Variants in NLRP4 observed in about 807,000 individuals in gnomAD.
NLRP4 encodes NLR family pyrin domain containing 4, also known as NACHT, LRR and PYD domains-containing protein 4.
A neutral mutation model predicts 84.7 loss-of-function variants in NLRP4; 44 were observed. That is an observed-to-expected ratio of 0.52 (90% CI 0.41 to 0.67). NLRP4 has a LOEUF of 0.67. Among genes scored for constraint, NLRP4 ranks in the 30% least tolerant of loss-of-function variants. The pLI is 0.00. For synonymous variants in NLRP4, 544 were observed against 476.4 expected, an observed-to-expected ratio of 1.14 and a Z score of -1.85; for missense variants, 1,260 against 1,219.4, an observed-to-expected ratio of 1.03 and a Z score of -0.50.
chr19:55,856,912 CCT>C (rs1225309325), intron 2 of NLRP4, among the ~76,000 whole-genome samples: 3 of 152,166 alleles, frequency 2.0e-5, no homozygotes, highest in Non-Finnish European at 2.9e-5. Flanking sequence ...GCCATTCTAT[CCT>C]CTCTACTGCA....
intron 2 of NLRP4, among the ~76,000 whole-genome samples, chr19:55,855,319 T>A (rs77258547): frequency 0.042 from 6,443 of 152,326 alleles, 198 homozygotes; most frequent in East Asian, 0.092. Flanking sequence ...ACTGGGTACT[T>A]ACACTTCTCT....
chr19:55,875,885 G>C (rs532559571), intron 7 of NLRP4, among the ~76,000 whole-genome samples: 1 of 150,612 alleles, frequency 6.6e-6, no homozygotes, highest in African/African-American at 2.4e-5. Context: ...AAAAAATACA[G>C]AATTAGCTGG....
chr19:55,850,868 T>C (rs1308284923), intron 1 of NLRP4, among the ~76,000 whole-genome samples: 1 of 69,614 alleles, frequency 1.4e-5, no homozygotes, highest in Admixed American at 1.4e-4. Flanking sequence ...CGGTGTAATT[T>C]ACGAGGCTGC....
chr19:55,850,487 T>TTCCGAGGCTGCGGTGTAATG (rs1984047585), intron 1 of NLRP4, among the ~76,000 whole-genome samples: 1 of 33,056 alleles, frequency 3.0e-5, no homozygotes, highest in Non-Finnish European at 4.7e-5. Context: ...GCGGTGTAAT[T>TTCCGAGGCTGCGGTGTAATG]TCCGAGGCTG....
At chr19:55,838,757 A>C (rs382682) in intron 1 of NLRP4, among the ~76,000 whole-genome samples, 23,284 of 152,066 alleles carry the variant, frequency 0.15, 1,992 homozygotes, top group East Asian at 0.22. Flanking sequence ...ACATCTAATA[A>C]TTTACCCTAA....
At position 55,850,870 on chromosome 19, in the gene NLRP4, C is replaced by T. The variant is rs1355639475; in HGVS notation, c.-65-1146C>T. ...ATTTACGAGGCTGCGGTGTAATTTA[C>T]GAGGCTGCGGTGTAATGTCCGTGGC... is the stretch of plus-strand genomic sequence containing the variant. On this transcript the variant is annotated intron_variant, in intron 1 of 9. Transcript: ENST00000301295. Among the ~76,000 whole-genome samples the T allele has an allele frequency of 8.0e-4, 59 of 73,746 alleles. 5 individuals are homozygous for T. Among genetic ancestry groups the T allele is most frequent in the Admixed American group, 2.2e-3 (17 of 7,586 alleles). The allele number at this position is 73,746 out of a possible 152,430, so 48.4% of individuals were successfully genotyped here.
In NLRP4 at chr19:55,870,977, C is replaced by G. The variant is rs1985158261; in HGVS notation, c.2505C>G (p.Asp835Glu). The stretch of plus-strand genomic sequence containing the variant: ...TCTGCGAGGCCTTGAAACATCCGGA[C>G]TGCTGCCTGGATTCACTGTGGTAGG... ...KTLCEALKHP[D>E]CCLDSLCLVK... Residue 835 changes from aspartate (D) to glutamate (E), a missense_variant, in exon 7 of 10, where the codon GAC (aspartate) becomes GAG (glutamate). By Grantham distance (45) the Asp-to-Glu change is conservative (BLOSUM62 2). Transcript: ENST00000301295. The G allele has an allele frequency of 6.2e-7, 1 of 1,614,204 alleles. No individual in the cohort carries two copies. The highest frequency in any genetic ancestry group is 8.5e-7 in the Non-Finnish European group (1 of 1,180,010).
chr19:55,837,117 G>A (rs1983353210), intron 1 of NLRP4, among the ~76,000 whole-genome samples, 183 bp downstream of exon 1: 1 of 152,104 alleles, frequency 6.6e-6, no homozygotes, highest in Non-Finnish European at 1.5e-5. Context: ...AGATGTGTTG[G>A]TACATGTATA....
intron 1 of NLRP4, among the ~76,000 whole-genome samples, chr19:55,847,502 C>G (rs412189): frequency 0.14 from 21,698 of 151,836 alleles, 1,683 homozygotes; most frequent in East Asian, 0.22. Context: ...ACTATTTGCC[C>G]TATGTTTTTA....
rs1248988973 is a variant in NLRP4 at position 55,848,011 on chromosome 19, G to T, written c.-65-4005G>T. Among the ~76,000 whole-genome samples, 5 of 152,144 alleles carry T rather than the reference G, an allele frequency of 3.3e-5. No homozygotes were observed. The East Asian group carries it at 9.7e-4, about 29-fold the overall frequency. On this transcript the variant is annotated intron_variant, in intron 1 of 9. Coordinates refer to ENST00000301295, the MANE Select transcript of NLRP4 (RefSeq NM_134444.5). ...ATGACAGGCGTGAGCCACTGCACCT[G>T]GCCCCTAATATCCTTTTTATGTGCC...
chr19:55,852,178 T>C lies in NLRP4; in HGVS notation c.98T>C (p.Met33Thr). Residue 33 changes from methionine (M) to threonine (T), a missense_variant, in exon 2 of 10, where the codon ATG (methionine) becomes ACG (threonine). By Grantham distance (81) the Met-to-Thr change is moderately conservative. This residue lies in a region of NLRP4 where 712 missense variants were observed against 669.2 expected (regional missense o/e 1.06). Coordinates refer to ENST00000301295, the MANE Select transcript of NLRP4 (RefSeq NM_134444.5). The part of the protein sequence containing the change: ...FRKFKEHLKQ[M>T]TLQLELKQIP... ...AAATTTAAAGAACATCTCAAGCAAA[T>C]GACTTTGCAGCTTGAACTCAAGCAG... The C allele has an allele frequency of 6.2e-7, 1 of 1,608,906 alleles. No homozygotes were observed. The highest frequency in any genetic ancestry group is 8.5e-7 in the Non-Finnish European group (1 of 1,178,388).
At chr19:55,845,281 G>GT (rs1367739108) in intron 1 of NLRP4, among the ~76,000 whole-genome samples, 8 of 148,738 alleles carry the variant, frequency 5.4e-5, no homozygotes, top group Non-Finnish European at 1.2e-4. Context: ...GCAGTGTTTG[G>GT]TTTTTTGTCC....
intron 6 of NLRP4, among the ~76,000 whole-genome samples, chr19:55,870,474 C>A (rs750275009): frequency 5.9e-5 from 9 of 152,156 alleles, no homozygotes; most frequent in African/African-American, 1.9e-4. Context: ...ACTAGCCTGG[C>A]TAACATGGTG....
chr19:55,865,990 C>T (rs1984939965), intron 5 of NLRP4, among the ~76,000 whole-genome samples: 2 of 152,110 alleles, frequency 1.3e-5, no homozygotes, highest in African/African-American at 4.8e-5. Context: ...GAAACCATTG[C>T]CTAACCCAAA....
intron 1 of NLRP4, among the ~76,000 whole-genome samples, chr19:55,846,877 T>C (rs1319523447): frequency 2.6e-5 from 4 of 152,190 alleles, no homozygotes; most frequent in African/African-American, 9.6e-5. Flanking sequence ...CTTTCCATCA[T>C]CATATTCTCA....
At chr19:55,860,577 C>T (rs932890954) in intron 3 of NLRP4, among the ~76,000 whole-genome samples, 6 of 151,494 alleles carry the variant, frequency 4.0e-5, no homozygotes, top group Non-Finnish European at 5.9e-5. Flanking sequence ...GAGCAAGACC[C>T]CATCTCAAAA....
intron 7 of NLRP4, among the ~76,000 whole-genome samples, chr19:55,871,857 T>G (rs1380975918): frequency 1.3e-5 from 2 of 151,776 alleles, no homozygotes; most frequent in Middle Eastern, 3.2e-3. Flanking sequence ...TTTTTTTTTT[T>G]TTTTTGGAGA....
intron 9 of NLRP4, among the ~76,000 whole-genome samples, chr19:55,879,947 A>G (rs575864435): frequency 4.2e-4 from 64 of 151,890 alleles, no homozygotes; most frequent in African/African-American, 1.5e-3. Context: ...AACATAATTT[A>G]TATTTTAATT....
At chr19:55,867,212 C>A (rs1984990186) in intron 5 of NLRP4, among the ~76,000 whole-genome samples, 1 of 150,922 alleles carries the variant, frequency 6.6e-6, no homozygotes, top group Non-Finnish European at 1.5e-5. Flanking sequence ...GGTTGGCTGT[C>A]TCTGTACCCC....
Sources: gnomAD v4.1 joint callset for allele counts (sites outside exome capture counted in the v4.1 genomes callset) on GRCh38, gnomAD v4.1.1 for gene constraint, gnomAD v4.1.1 regional missense constraint, MANE v1.5 for transcripts, NCBI Gene and HGNC (gene_info 2026-07-23, HGNC 2026-07-21) for gene names.